Variants in TRIM68 observed in about 807,000 individuals in gnomAD.
TRIM68 encodes the protein E3 ubiquitin-protein ligase TRIM68.
Under a neutral mutation model 41.9 loss-of-function variants are expected in TRIM68, and 36 were observed. The observed-to-expected ratio is 0.86, with a 90% CI of 0.66 to 1.14. TRIM68 has a LOEUF of 1.14. Ranked by LOEUF, TRIM68 falls within the 50% of genes most tolerant of loss-of-function variation. TRIM68 has a pLI of 0.00. For synonymous variants in TRIM68, 225 were observed against 224.6 expected, an observed-to-expected ratio of 1.00 and a Z score of -0.02; for missense variants, 632 against 605.1, an observed-to-expected ratio of 1.04 and a Z score of -0.47.
chr11:4,607,602 T>C (rs1035930311), intron 1 of TRIM68, among the ~76,000 whole-genome samples: 4 of 152,232 alleles, frequency 2.6e-5, no homozygotes, highest in African/African-American at 9.6e-5. Flanking sequence ...ACGCATATTA[T>C]TTTGATTTAG....
In TRIM68 at chr11:4,600,692, G is replaced by C. The variant is rs755678446; in HGVS notation, c.1042C>G (p.Leu348Val). Residue 348 changes from leucine (L) to valine (V), a missense_variant, in exon 7 of 7, where the codon CTG becomes GTG. Leu to Val is a conservative substitution (Grantham distance 32). Transcript: ENST00000300747. ...CCTGAGGAGATGCACTGGCTTCCCA[G>C]GACGATATTATAGCGGTAAAATCTC... ...PERFYRYNIV[L>V]GSQCISSGRH... The C allele has an allele frequency of 1.2e-6, 2 of 1,614,146 alleles. No individual in the cohort carries two copies. Among genetic ancestry groups the C allele is most frequent in the East Asian group, 4.5e-5 (2 of 44,878 alleles).
intron 5 of TRIM68, 64 bp downstream of exon 5, chr11:4,601,600 G>A (rs929990858): frequency 4.4e-6 from 7 of 1,578,126 alleles, no homozygotes; most frequent in Non-Finnish European, 5.2e-6. Flanking sequence ...CCCTACTTCT[G>A]GCTCTAGTTA....
Position 4,599,954 on chromosome 11 carries a change from A to G in TRIM68, c.*322T>C, listed in dbSNP as rs1183386925. 3 of 232,162 alleles carry G rather than the reference A, an allele frequency of 1.3e-5. No homozygotes were observed. The highest frequency in any genetic ancestry group is 2.5e-5 in the Non-Finnish European group (3 of 119,030). The allele number at this position is 232,162 out of a possible 1,614,324, so 14.4% of individuals were successfully genotyped here. ...TGTGACACCGGACGGGAATCAGGGA[A>G]GAGGGTGGTTGGCTACTACATGGAC... On this transcript the variant is annotated 3_prime_UTR_variant, in exon 7 of 7. Transcript: ENST00000300747.
At chr11:4,606,696 C>T (rs145420929) in intron 1 of TRIM68, among the ~76,000 whole-genome samples, 8 of 152,336 alleles carry the variant, frequency 5.3e-5, no homozygotes, top group African/African-American at 1.9e-4. Context: ...TATTTCACAA[C>T]CCTAGGCAGA....
At position 4,600,268 on chromosome 11, in the gene TRIM68, T is replaced by C. The variant is rs1589847694; in HGVS notation, c.*8A>G. On this transcript the variant is annotated 3_prime_UTR_variant, in exon 7 of 7. Transcript: ENST00000300747. ...TTCCAAGCCTCTCTGGTTAGGGTGG[T>C]AGCTTTCTTAGTCCTCCCCATCCAG... 1 of 1,558,108 alleles carries C rather than the reference T, an allele frequency of 6.4e-7. No individual in the cohort carries two copies. Among genetic ancestry groups the C allele is most frequent in the Non-Finnish European group, 8.7e-7 (1 of 1,153,052 alleles).
chr11:4,601,397 T>C (rs1846487870), intron 5 of TRIM68: 5 of 594,250 alleles, frequency 8.4e-6, no homozygotes, highest in Non-Finnish European at 1.2e-5. Flanking sequence ...GAAGGAGTCA[T>C]GGGCAGTCTT....
At chr11:4,602,036 A>G (rs1310551886) in intron 4 of TRIM68, 116 bp downstream of exon 4, 2 of 1,462,332 alleles carry the variant, frequency 1.4e-6, no homozygotes, top group Non-Finnish European at 1.9e-6. Context: ...CACAGGATCC[A>G]TGACCAGCTG....
chr11:4,603,347 G>C lies in TRIM68; in HGVS notation c.427-7C>G. ...GGGCCTCATGAAGTTCCCACTGCAA[G>C]AGACAAAACCCTCATGAGGCCACCT... On this transcript the variant is annotated splice_region_variant and splice_polypyrimidine_tract_variant and intron_variant, in intron 2 of 6. Transcript: ENST00000300747. 6.2e-7 allele frequency: 1 copy of C among 1,614,036 alleles called. No homozygotes were observed. The highest frequency in any genetic ancestry group is 8.5e-7 in the Non-Finnish European group (1 of 1,179,962).
In TRIM68 at chr11:4,602,173, C is replaced by T; in HGVS notation, c.762G>A (p.Arg254=). 6.2e-7 allele frequency: 1 copy of T among 1,614,160 alleles called. No individual in the cohort carries two copies. Among genetic ancestry groups the T allele is most frequent in the Non-Finnish European group, 8.5e-7 (1 of 1,180,022 alleles). Residue 254 remains arginine, a synonymous_variant, in exon 4 of 7, where the codon AGG becomes AGA. Transcript: ENST00000300747. ...TCACCTGCAACATCCAGCGGACAGG[C>T]CTCTGCGACCTCTCTTTCAACTCTG... The part of the protein sequence containing the change: ...MIAELKERSQ[R]PVRWMLQDIQ...
chr11:4,599,435 T>G lies in TRIM68; in HGVS notation c.*841A>C, dbSNP rs976196175. ...TGGCGTGAACCCAGGAGGCAGAGCC[T>G]GCAGTGAGCCGAGATCGTGCCACTG... On this transcript the variant is annotated 3_prime_UTR_variant, in exon 7 of 7. Coordinates refer to ENST00000300747, the MANE Select transcript of TRIM68 (RefSeq NM_018073.8). The G allele has an allele frequency of 6.6e-5, 10 of 152,130 alleles. No individual in the cohort carries two copies. Among genetic ancestry groups the G allele is most frequent in the Non-Finnish European group, 1.2e-4 (8 of 68,118 alleles). The allele number at this position is 152,130 out of a possible 1,614,324, so 9.4% of individuals were successfully genotyped here.
Position 4,603,217 on chromosome 11 carries a change from A to G in TRIM68, c.522+28T>C, listed in dbSNP as rs749882341. 6 of 1,610,164 alleles carry G rather than the reference A, an allele frequency of 3.7e-6. No individual in the cohort carries two copies. In the Admixed American group the frequency reaches 1.0e-4, roughly 27 times the overall value. On this transcript the variant is annotated intron_variant, in intron 3 of 6. Transcript: ENST00000300747. ...CAGGACCACACAGGACGACTGACACAAACTCCTTTCCCCACGAGGCAACCT... is the reference window on the plus strand; with the variant it reads ...CAGGACCACACAGGACGACTGACACGAACTCCTTTCCCCACGAGGCAACCT...
rs1255934067 is a variant in TRIM68 at position 4,600,555 on chromosome 11, G to A, written c.1179C>T (p.Phe393=). The A allele has an allele frequency of 6.2e-7, 1 of 1,614,004 alleles. No individual in the cohort carries two copies. Among genetic ancestry groups the A allele is most frequent in the African/African-American group, 1.3e-5 (1 of 74,894 alleles). Residue 393 remains phenylalanine (F), a synonymous_variant, in exon 7 of 7, where the codon TTC becomes TTT. Transcript: ENST00000300747. ...TTCCCTTCCTCAGCCTTATCACCCA[G>A]AATCCATAGTGGGGGGATAAGTAGA... The part of the protein sequence containing the change: ...EVVYLSPHYG[F]WVIRLRKGNE...
Position 4,607,084 on chromosome 11 carries a change from G to C in TRIM68, c.-58+943C>G, listed in dbSNP as rs149206329. Among the ~76,000 whole-genome samples the C allele has an allele frequency of 2.1e-3, 316 of 152,254 alleles. 1 individual carries two copies. The highest frequency in any genetic ancestry group is 7.0e-3 in the African/African-American group (289 of 41,546). ...TTGAAACAGCACCTGTGCCCAGCTA[G>C]GCAAAGGAATAAACTTCCACACACT... On this transcript the variant is annotated intron_variant, in intron 1 of 6. Coordinates refer to ENST00000300747, the MANE Select transcript of TRIM68 (RefSeq NM_018073.8).
chr11:4,607,068 C>G (rs1168745616), intron 1 of TRIM68, among the ~76,000 whole-genome samples: 1 of 152,222 alleles, frequency 6.6e-6, no homozygotes, highest in Non-Finnish European at 1.5e-5. Flanking sequence ...CTTGAAACAG[C>G]ACCTGTGCCC....
At chr11:4,603,146 TC>T in intron 3 of TRIM68, 98 bp downstream of exon 3, 1 of 1,159,846 alleles carries the variant, frequency 8.6e-7, no homozygotes. Context: ...ATTTCAAGCC[TC>T]ACATTCTGCC....
chr11:4,603,295 C>T lies in TRIM68; in HGVS notation c.472G>A (p.Glu158Lys), dbSNP rs1422904733. The T allele has an allele frequency of 1.2e-6, 2 of 1,614,246 alleles. No homozygotes were observed. Among genetic ancestry groups the T allele is most frequent in the East Asian group, 4.5e-5 (2 of 44,886 alleles). Reference sequence around the variant, plus strand: ...TCACCAACTTCAAGCTTCCAGGCCTCTTCTTGCTCTTTCTTCAGATGTTCG... The same window carrying T: ...TCACCAACTTCAAGCTTCCAGGCCTTTTCTTGCTCTTTCTTCAGATGTTCG... ...ALEHLKKEQEEAWKLEVGERK... is the reference protein window; with the variant it reads ...ALEHLKKEQEKAWKLEVGERK... Residue 158 changes from glutamate (E) to lysine (K), a missense_variant, in exon 3 of 7, where the codon GAG becomes AAG. Coordinates refer to ENST00000300747, the MANE Select transcript of TRIM68 (RefSeq NM_018073.8).
At chr11:4,607,307 A>G (rs1037970156) in intron 1 of TRIM68, among the ~76,000 whole-genome samples, 1 of 152,244 alleles carries the variant, frequency 6.6e-6, no homozygotes, top group African/African-American at 2.4e-5. Context: ...CAGTGCCAAG[A>G]ACAGTGCCTC....
chr11:4,601,656 G>A lies in TRIM68; in HGVS notation c.806+8C>T, dbSNP rs773798404. 29 of 1,613,872 alleles carry A rather than the reference G, an allele frequency of 1.8e-5. No homozygotes were observed. In the African/African-American group the frequency reaches 3.9e-4, roughly 22 times the overall value. On this transcript the variant is annotated splice_region_variant and intron_variant, in intron 5 of 6. Coordinates refer to ENST00000300747, the MANE Select transcript of TRIM68 (RefSeq NM_018073.8). ...GGCTGCTTAGAGGCTCCAAGGGTGA[G>A]AACATACCTGTTTAACACTTCCTGA... is the stretch of plus-strand genomic sequence containing the variant.
Position 4,603,232 on chromosome 11 carries a change from C to G in TRIM68, c.522+13G>C, listed in dbSNP as rs141849620. 27 of 1,613,408 alleles carry G rather than the reference C, an allele frequency of 1.7e-5. No homozygotes were observed. In the South Asian group the frequency reaches 2.7e-4, roughly 16 times the overall value. ...CGACTGACACAAACTCCTTTCCCCACGAGGCAACCTGCCTTCCAGGTGGCA... is the reference window on the plus strand; with the variant it reads ...CGACTGACACAAACTCCTTTCCCCAGGAGGCAACCTGCCTTCCAGGTGGCA... On this transcript the variant is annotated intron_variant, in intron 3 of 6. Coordinates refer to ENST00000300747, the MANE Select transcript of TRIM68 (RefSeq NM_018073.8).
Sources: gnomAD v4.1 joint callset for allele counts (sites outside exome capture counted in the v4.1 genomes callset) on GRCh38, gnomAD v4.1.1 for gene constraint, MANE v1.5 for transcripts, NCBI Gene and HGNC (gene_info 2026-07-23, HGNC 2026-07-21) for gene names.